The following PRAME variants were observed in gnomAD, a reference collection of about 807,000 sequenced individuals.
The protein encoded by PRAME is melanoma antigen preferentially expressed in tumors.
Under a neutral mutation model 32.1 loss-of-function variants are expected in PRAME, and 21 were observed. The ratio of observed to expected loss-of-function variants is 0.65; its 90% CI spans 0.46 to 0.94. The LOEUF is 0.94. Among genes scored for constraint, PRAME ranks in the 40% least tolerant of loss-of-function variants. The pLI is 0.00. For synonymous variants in PRAME, 274 were observed against 251.5 expected, an observed-to-expected ratio of 1.09 and a Z score of -0.85; for missense variants, 651 against 622.3, an observed-to-expected ratio of 1.05 and a Z score of -0.49.
At position 22,548,069 on chromosome 22, in the gene PRAME, A is replaced by C; in HGVS notation, c.1528T>G (p.Ter510GluextTer67). Residue 510 changes from the stop codon to glutamate, a stop_lost, in exon 6 of 6, where the codon TAG (stop) becomes GAG (glutamate). Transcript: ENST00000405655. ...AAGCATTTGATATGTGCACCCAGCTAATTAGGCATGAAACAGGGGCACAGG... is the reference window on the plus strand; with the variant it reads ...AAGCATTTGATATGTGCACCCAGCTCATTAGGCATGAAACAGGGGCACAGG... ...PILCPCFMPN[*>E] 1 of 1,607,076 alleles carries C rather than the reference A, an allele frequency of 6.2e-7. No homozygotes were observed. The highest frequency in any genetic ancestry group is 8.5e-7 in the Non-Finnish European group (1 of 1,175,594).
chr22:22,551,854 G>A (rs2062594611), intron 3 of PRAME, among the ~76,000 whole-genome samples: 1 of 151,686 alleles, frequency 6.6e-6, no homozygotes, highest in Admixed American at 6.6e-5. Flanking sequence ...TTGTAGAATA[G>A]GTACCTTAAG....
Position 22,547,940 on chromosome 22 carries a change from A to T in PRAME, c.*127T>A, listed in dbSNP as rs1217437966. 2 of 1,062,078 alleles carry T rather than the reference A, an allele frequency of 1.9e-6. No homozygotes were observed. The highest frequency in any genetic ancestry group is 1.4e-6 in the Non-Finnish European group (1 of 727,840). 65.8% of individuals were successfully genotyped at this position (1,062,078 alleles called of 1,614,324 possible). A position where few individuals can be genotyped will look rare whatever the true frequency, so the allele number is the denominator to read the frequency against. Reference sequence around the variant, plus strand: ...TGTCTGAATGTTTTTTCCTCACTGAACATGTTTTCCTCACTCACACTGAAC... The same window carrying T: ...TGTCTGAATGTTTTTTCCTCACTGATCATGTTTTCCTCACTCACACTGAAC... On this transcript the variant is annotated 3_prime_UTR_variant, in exon 6 of 6. Transcript: ENST00000405655.
Position 22,553,144 on chromosome 22 carries a change from A to G in PRAME, c.22-2055T>C, listed in dbSNP as rs1230169006. Among the ~76,000 whole-genome samples the G allele has an allele frequency of 2.6e-5, 4 of 151,968 alleles. No homozygotes were observed. In the East Asian group the frequency reaches 7.8e-4, roughly 30 times the overall value. ...TTTTTGGCCACATCAAAATTACCCA[A>G]ATAGTCCAGTTAAGATAGCTTTATG... On this transcript the variant is annotated intron_variant, in intron 3 of 5. Coordinates refer to ENST00000405655, the MANE Select transcript of PRAME (RefSeq NM_206956.3).
chr22:22,553,580 C>T (rs1016436721), intron 3 of PRAME, among the ~76,000 whole-genome samples: 2 of 151,884 alleles, frequency 1.3e-5, no homozygotes, highest in African/African-American at 4.8e-5. Flanking sequence ...AATCTTCCTC[C>T]CTCCCTAGAG....
intron 4 of PRAME, 70 bp downstream of exon 4, chr22:22,550,697 G>C (rs2062514177): frequency 2.0e-6 from 3 of 1,474,734 alleles, no homozygotes; most frequent in African/African-American, 1.4e-5. Flanking sequence ...GGCGCTCCAT[G>C]CTCCCTGACC....
chr22:22,550,799 A>G lies in PRAME; in HGVS notation c.312T>C (p.Leu104=), dbSNP rs1328034223. The G allele has an allele frequency of 3.1e-6, 5 of 1,603,766 alleles. No individual in the cohort carries two copies. The highest frequency in any genetic ancestry group is 4.3e-6 in the Non-Finnish European group (5 of 1,173,110). Residue 104 remains leucine (L), a synonymous_variant, in exon 4 of 6, where the codon CTT becomes CTC. Transcript: ENST00000405655. ...LETFKAVLDG[L]DVLLAQEVRP... is the part of the protein sequence containing the mutation. ...GAACCTCCTGGGCAAGGAGCACATC[A>G]AGTCCATCAAGCACAGCTTTGAAGG... is the stretch of plus-strand genomic sequence containing the variant.
intron 2 of PRAME, 82 bp from the exon 3 acceptor site, chr22:22,556,991 C>G: frequency 1.1e-6 from 1 of 884,630 alleles, no homozygotes; most frequent in Non-Finnish European, 1.8e-6. Context: ...TGAAAACCTC[C>G]GCAAATACTG....
intron 3 of PRAME, chr22:22,553,063 CA>C: frequency 2.6e-6 from 1 of 380,318 alleles, no homozygotes; most frequent in East Asian, 7.4e-5. Context: ...TGTCTATTTA[CA>C]AAAAGGAAAG....
Position 22,550,282 on chromosome 22 carries a change from A to C in PRAME, c.397T>G (p.Trp133Gly), listed in dbSNP as rs1466347508. ...DLRKNSHQDF[W>G]TVWSGNRASL... ...GCCCTGTTTCCAGACCATACAGTCCAGAAGTCCTGATGAGAGTTCTTCCGT... is the reference window on the plus strand; with the variant it reads ...GCCCTGTTTCCAGACCATACAGTCCCGAAGTCCTGATGAGAGTTCTTCCGT... The change falls in exon 5 of 6, where the codon TGG becomes GGG. Residue 133 changes from tryptophan to glycine, a missense_variant. Coordinates refer to ENST00000405655, the MANE Select transcript of PRAME (RefSeq NM_206956.3). 6.2e-7 allele frequency: 1 copy of C among 1,613,712 alleles called. No individual in the cohort carries two copies. The highest frequency in any genetic ancestry group is 1.3e-5 in the African/African-American group (1 of 74,968).
At chr22:22,552,074 G>A (rs1240190162) in intron 3 of PRAME, among the ~76,000 whole-genome samples, 2 of 147,838 alleles carry the variant, frequency 1.4e-5, no homozygotes, top group African/African-American at 5.0e-5. Context: ...TTTGAGCCCA[G>A]GAGTTCAAGA....
At chr22:22,549,530 T>C (rs1440370798) in intron 5 of PRAME, among the ~76,000 whole-genome samples, 196 bp downstream of exon 5, 1 of 151,946 alleles carries the variant, frequency 6.6e-6, no homozygotes, top group African/African-American at 2.4e-5. Context: ...TCTATCCTAA[T>C]GTATACCTCT....
At chr22:22,551,129 C>G in intron 3 of PRAME, 40 bp from the exon 4 acceptor site, 1 of 1,495,344 alleles carries the variant, frequency 6.7e-7, no homozygotes, top group Non-Finnish European at 9.0e-7. Flanking sequence ...CCTTTCAGCC[C>G]AAGCATAAGC....
rs779467607 is a variant in PRAME at position 22,548,353 on chromosome 22, C to A, written c.1244G>T (p.Gly415Val). The part of the protein sequence containing the change: ...CSQLTTLSFY[G>V]NSISISALQS... ...CAGGGCAGATATGGAGATGGAATTC[C>A]CGTAGAAGCTTAAGGTCGTAAGCTG... The change falls in exon 6 of 6, where the codon GGG becomes GTG. Residue 415 changes from glycine to valine, a missense_variant. Gly to Val is a moderately radical substitution (Grantham distance 109). Transcript: ENST00000405655. 20 of 1,613,556 alleles carry A rather than the reference C, an allele frequency of 1.2e-5. No individual in the cohort carries two copies. The highest frequency in any genetic ancestry group is 1.7e-5 in the Non-Finnish European group (20 of 1,179,942).
chr22:22,554,472 G>A (rs2062783067), intron 3 of PRAME, among the ~76,000 whole-genome samples: 1 of 151,884 alleles, frequency 6.6e-6, no homozygotes, highest in Non-Finnish European at 1.5e-5. Context: ...TTAATTCCCA[G>A]GCAATCATCT....
rs1260010796 is a variant in PRAME, at chr22:22,556,867, A to G, written c.-35T>C. On this transcript the variant is annotated 5_prime_UTR_variant, in exon 3 of 6. Transcript: ENST00000405655. ...ACTTAGGCTGGCCTCAGGACCTCCA[A>G]CGCTTGGATTTCTAGGTCTCAGTCA... 1 of 1,612,590 alleles carries G rather than the reference A, an allele frequency of 6.2e-7. No individual in the cohort carries two copies. The highest frequency in any genetic ancestry group is 1.3e-5 in the African/African-American group (1 of 74,826).
rs765551880 is a variant in PRAME, at chr22:22,550,912, G to T, written c.199C>A (p.Gln67Lys). The change falls in exon 4 of 6, where the codon CAG (glutamine) becomes AAG (lysine). Residue 67 changes from glutamine (Q) to lysine (K), a missense_variant. By Grantham distance (53) the Gln-to-Lys change is moderately conservative. Transcript: ENST00000405655. ...GCCTGCACCATTGCCTTCAGGGTCT[G>T]GCTGTGTCTCCCGTCAAAGGCTGCC... ...FMAAFDGRHS[Q>K]TLKAMVQAWP... 6.8e-6 allele frequency: 11 copies of T among 1,613,764 alleles called. No individual in the cohort carries two copies. The African/African-American group carries it at 1.5e-4, about 22-fold the overall frequency.
chr22:22,553,162 G>A (rs2062701159), intron 3 of PRAME, among the ~76,000 whole-genome samples: 1 of 151,870 alleles, frequency 6.6e-6, no homozygotes, highest in Non-Finnish European at 1.5e-5. Context: ...AGTTAAGATA[G>A]CTTTATGAAG....
At chr22:22,558,713 C>T (rs1283219259) in intron 1 of PRAME, among the ~76,000 whole-genome samples, 1 of 150,552 alleles carries the variant, frequency 6.6e-6, no homozygotes, top group African/African-American at 2.4e-5. Context: ...GAGTGTGGGA[C>T]GGGGTGTTCT....
chr22:22,549,400 C>T (rs2062433744), intron 5 of PRAME, among the ~76,000 whole-genome samples: 1 of 151,890 alleles, frequency 6.6e-6, no homozygotes, highest in African/African-American at 2.4e-5. Flanking sequence ...TCAATGCCCT[C>T]CTTGCTTACT....
Sources: allele counts gnomAD v4.1 joint callset (sites outside exome capture counted in the v4.1 genomes callset), GRCh38; gene constraint gnomAD v4.1.1; transcripts MANE v1.5; gene names NCBI Gene and HGNC (gene_info 2026-07-23, HGNC 2026-07-21).